The following ASIC2 variants were observed in gnomAD, a reference collection of about 807,000 sequenced individuals.
ASIC2 encodes the protein acid-sensing ion channel 2.
ASIC2 carries 25 observed loss-of-function variants against 57.3 expected under a neutral mutation model. That is an observed-to-expected ratio of 0.44 (90% confidence interval 0.32 to 0.61). The LOEUF is 0.61. Ranked by LOEUF, ASIC2 falls within the 20% of genes least tolerant of loss-of-function variation. ASIC2 has a pLI of 0.06. For synonymous variants in ASIC2, 319 were observed against 307.5 expected (o/e 1.04, Z -0.39); for missense variants, 641 against 738.1 (o/e 0.87, Z 1.52).
intron 1 of ASIC2, among the ~76,000 whole-genome samples, chr17:33,449,152 G>C (rs769095513): frequency 6.6e-6 from 1 of 152,146 alleles, no homozygotes; most frequent in Non-Finnish European, 1.5e-5. Context: ...GACCCTTTGA[G>C]GTTGAGAATA....
At chr17:33,634,173 T>TCTCTAGTTC (rs1906269630) in intron 1 of ASIC2, among the ~76,000 whole-genome samples, 1 of 152,220 alleles carries the variant, frequency 6.6e-6, no homozygotes, top group Non-Finnish European at 1.5e-5. Flanking sequence ...ACTGTCACAC[T>TCTCTAGTTC]CTCTAGTTCC....
intron 1 of ASIC2, among the ~76,000 whole-genome samples, chr17:34,091,795 A>T (rs550769146): frequency 2.0e-5 from 3 of 152,358 alleles, no homozygotes; most frequent in African/African-American, 4.8e-5. Context: ...CAGTTAATAC[A>T]GTGTAAAGAG....
chr17:33,550,356 C>T (rs1915714881), intron 1 of ASIC2, among the ~76,000 whole-genome samples: 1 of 152,176 alleles, frequency 6.6e-6, no homozygotes, highest in Non-Finnish European at 1.5e-5. Flanking sequence ...GTGGGCTCTG[C>T]TGGGCGACAA....
intron 1 of ASIC2, among the ~76,000 whole-genome samples, chr17:33,214,119 C>G (rs1033690822): frequency 6.6e-6 from 1 of 152,152 alleles, no homozygotes; most frequent in African/African-American, 2.4e-5. Flanking sequence ...TGACTGGGAC[C>G]TAAATGGCAA....
At chr17:33,471,400 T>C in intron 1 of ASIC2, among the ~76,000 whole-genome samples, 1 of 152,352 alleles carries the variant, frequency 6.6e-6, no homozygotes, top group South Asian at 2.1e-4. Flanking sequence ...TTTCATTAAT[T>C]ATTTCTTTTC....
At chr17:33,639,761 G>GAAAAAAAAAAAAAAAAA (rs3032192) in intron 1 of ASIC2, among the ~76,000 whole-genome samples, 1 of 125,140 alleles carries the variant, frequency 8.0e-6, no homozygotes, top group Non-Finnish European at 1.6e-5. Context: ...CTCAGGTTAA[G>GAAAAAAAAAAAAAAAAA]AAAAAAAAAA....
chr17:33,814,695 A>T (rs1035275889), intron 1 of ASIC2, among the ~76,000 whole-genome samples: 1 of 152,262 alleles, frequency 6.6e-6, no homozygotes, highest in African/African-American at 2.4e-5. Flanking sequence ...GTCTGTTGGG[A>T]TTTGCGTGTG....
chr17:33,635,805 C>T (rs902149890), intron 1 of ASIC2, among the ~76,000 whole-genome samples: 8 of 152,120 alleles, frequency 5.3e-5, no homozygotes, highest in Admixed American at 5.2e-4. Flanking sequence ...GGTAGGTCCC[C>T]ATTGGAACAA....
chr17:33,538,984 T>C (rs8074314), intron 1 of ASIC2, among the ~76,000 whole-genome samples: 70,190 of 152,038 alleles, frequency 0.46, 16,289 homozygotes, highest in South Asian at 0.53. Flanking sequence ...AGCAAGCAAG[T>C]CTGTGGGTGG....
chr17:33,179,645 A>C (rs1597618186), intron 1 of ASIC2, among the ~76,000 whole-genome samples: 2 of 152,188 alleles, frequency 1.3e-5, no homozygotes, highest in Admixed American at 6.5e-5. Flanking sequence ...CCCTCCTTAC[A>C]ACCCCACAGG....
At chr17:33,378,508 C>T (rs938498763) in intron 1 of ASIC2, among the ~76,000 whole-genome samples, 1 of 152,246 alleles carries the variant, frequency 6.6e-6, no homozygotes, top group African/African-American at 2.4e-5. Flanking sequence ...ATCCTTCCTG[C>T]TGGCTCCATT....
At chr17:34,003,217 G>A (rs979687697) in intron 1 of ASIC2, 2 of 152,182 alleles carry the variant, frequency 1.3e-5, no homozygotes, top group Non-Finnish European at 2.9e-5. Context: ...TCCTGGCTCT[G>A]TAACTTAATT....
intron 1 of ASIC2, chr17:34,039,205 CT>C (rs1908004564): frequency 6.2e-7 from 1 of 1,613,858 alleles, no homozygotes; most frequent in Admixed American, 1.7e-5. Context: ...AGAATTCTTA[CT>C]GTTTTCTAGT....
chr17:33,623,426 A>ATT (rs11328045), intron 1 of ASIC2: 10 of 147,744 alleles, frequency 6.8e-5, no homozygotes, highest in Admixed American at 1.3e-4. Context: ...CGCCCAGCCA[A>ATT]TTTTTTTTTT....
chr17:33,683,187 C>T (rs1908063957), intron 1 of ASIC2, among the ~76,000 whole-genome samples: 1 of 152,128 alleles, frequency 6.6e-6, no homozygotes, highest in Non-Finnish European at 1.5e-5. Flanking sequence ...CTTGCCTCAG[C>T]CTCCTGTGTA....
chr17:33,843,838 A>G (rs914091425), intron 1 of ASIC2, among the ~76,000 whole-genome samples: 1 of 152,208 alleles, frequency 6.6e-6, no homozygotes, highest in Non-Finnish European at 1.5e-5. Context: ...ATGAATGCCA[A>G]TGCTATTTTG....
intron 1 of ASIC2, among the ~76,000 whole-genome samples, chr17:34,074,009 T>C (rs979641337): frequency 3.3e-5 from 5 of 152,096 alleles, no homozygotes; most frequent in African/African-American, 1.2e-4. Flanking sequence ...GTTCCTTCTC[T>C]CCCCAGAAAC....
At chr17:33,109,687 G>A (rs781577440) in intron 2 of ASIC2, among the ~76,000 whole-genome samples, 1 of 151,912 alleles carries the variant, frequency 6.6e-6, no homozygotes, top group Non-Finnish European at 1.5e-5. Context: ...CATGTGACAA[G>A]TCCTTAATCA....
At chr17:33,960,187 C>T (rs971369376) in intron 1 of ASIC2, among the ~76,000 whole-genome samples, 14 of 152,176 alleles carry the variant, frequency 9.2e-5, no homozygotes, top group Non-Finnish European at 1.2e-4. Context: ...GAAACTGCTG[C>T]AGTGAAGTGC....
Sources: allele counts gnomAD v4.1 joint callset (sites outside exome capture counted in the v4.1 genomes callset), GRCh38; gene constraint gnomAD v4.1.1; transcripts MANE v1.5; gene names NCBI Gene and HGNC (gene_info 2026-07-23, HGNC 2026-07-21).